ZNF410: variants seen among roughly 807,000 people sequenced by gnomAD.
ZNF410 encodes another partner for ARF 1.
ZNF410 carries 18 observed loss-of-function variants against 54.8 expected under a neutral mutation model. The ratio of observed to expected loss-of-function variants is 0.33; its 90% CI spans 0.23 to 0.49. The LOEUF (loss-of-function observed/expected upper bound fraction) is 0.49, where lower values mean the gene tolerates loss of function less well. Among genes scored for constraint, ZNF410 ranks in the 20% least tolerant of loss-of-function variants. ZNF410 has a pLI of 0.99. For synonymous variants in ZNF410, 191 were observed against 207.3 expected (o/e 0.92, Z 0.68); for missense variants, 405 against 569.6 (o/e 0.71, Z 2.94).
rs534490206 is a variant in ZNF410 at position 73,899,404 on chromosome 14, A to T, written c.580+1142A>T. Among the ~76,000 whole-genome samples the T allele has an allele frequency of 9.2e-5, 14 of 152,080 alleles. No individual in the cohort carries two copies. The South Asian group carries it at 1.9e-3, about 20-fold the overall frequency. On this transcript the variant is annotated intron_variant, in intron 5 of 11. Transcript: ENST00000555044. The stretch of plus-strand genomic sequence containing the variant: ...ATTTTAGGTGTGAGCAACCATCCCC[A>T]GCCAAACTCTAAACTGTTTGTTTTC...
At chr14:73,894,423 CTTT>C (rs759584257) in intron 3 of ZNF410, 631 of 626,860 alleles carry the variant, frequency 1.0e-3, no homozygotes, top group South Asian at 1.8e-3. Flanking sequence ...TACATACTTG[CTTT>C]TTTTTTTTTT....
chr14:73,914,971 G>C (rs1715431861), intron 8 of ZNF410: 1 of 151,046 alleles, frequency 6.6e-6, no homozygotes, highest in African/African-American at 2.4e-5. Flanking sequence ...ATGTTGAATA[G>C]AAGTGGTGAG....
intron 9 of ZNF410, among the ~76,000 whole-genome samples, chr14:73,921,766 T>C (rs189972512): frequency 1.3e-5 from 2 of 152,350 alleles, no homozygotes; most frequent in East Asian, 1.9e-4. Flanking sequence ...TTAATTCTTA[T>C]TCCTTCGCCA....
chr14:73,890,384 C>A (rs1236337467), intron 1 of ZNF410, among the ~76,000 whole-genome samples: 1 of 151,244 alleles, frequency 6.6e-6, no homozygotes, highest in Non-Finnish European at 1.5e-5. Context: ...GACGGGGTTT[C>A]GCCATATTGG....
chr14:73,905,952 C>T (rs2055478484), intron 7 of ZNF410, among the ~76,000 whole-genome samples: 1 of 19,964 alleles, frequency 5.0e-5, no homozygotes, highest in African/African-American at 1.2e-4. Flanking sequence ...TATACACACA[C>T]ACACACACAC....
chr14:73,923,341 T>C (rs761197364), intron 10 of ZNF410, 54 bp from the exon 11 acceptor site: 11 of 1,576,710 alleles, frequency 7.0e-6, no homozygotes, highest in Non-Finnish European at 9.5e-6. Context: ...ATGATCCAGA[T>C]AGGTGTATCT....
intron 8 of ZNF410, chr14:73,913,705 C>T (rs1245780202): frequency 2.0e-5 from 3 of 152,200 alleles, no homozygotes; most frequent in Admixed American, 2.0e-4. Flanking sequence ...ATAAACAATC[C>T]TCCTGTTCTC....
intron 1 of ZNF410, chr14:73,888,230 G>A (rs2055174014): frequency 6.6e-6 from 1 of 152,156 alleles, no homozygotes; most frequent in African/African-American, 2.4e-5. Context: ...AGAAGAACAG[G>A]TTTGGTAAGG....
At chr14:73,907,902 A>G (rs200942218) in intron 7 of ZNF410, among the ~76,000 whole-genome samples, 51,086 of 151,956 alleles carry the variant, frequency 0.34, 9,701 homozygotes, top group Non-Finnish European at 0.42. Flanking sequence ...TTGAAAAAAA[A>G]AAAAAAAAGT....
At chr14:73,917,398 C>T (rs1047070676) in intron 8 of ZNF410, among the ~76,000 whole-genome samples, 1 of 152,170 alleles carries the variant, frequency 6.6e-6, no homozygotes, top group African/African-American at 2.4e-5. Flanking sequence ...CTCCCTCCTT[C>T]TCTTATAGGT....
intron 4 of ZNF410, 81 bp from the exon 5 acceptor site, chr14:73,897,990 A>AAAC: frequency 3.4e-6 from 4 of 1,187,496 alleles, no homozygotes; most frequent in Middle Eastern, 2.8e-4. Flanking sequence ...AAAAAAAAAA[A>AAAC]GGGACATGGA....
At chr14:73,906,753 A>AT (rs2055496568) in intron 7 of ZNF410, among the ~76,000 whole-genome samples, 1 of 152,166 alleles carries the variant, frequency 6.6e-6, no homozygotes, top group Non-Finnish European at 1.5e-5. Flanking sequence ...TGCTGAGATT[A>AT]TATATGTGAA....
At chr14:73,929,519 A>C (rs934718390) in intron 11 of ZNF410, among the ~76,000 whole-genome samples, 1 of 152,164 alleles carries the variant, frequency 6.6e-6, no homozygotes, top group Non-Finnish European at 1.5e-5. Context: ...AAAATAGCTT[A>C]TCAAGAATAT....
At chr14:73,902,637 C>G (rs934362215) in intron 5 of ZNF410, among the ~76,000 whole-genome samples, 5 of 152,076 alleles carry the variant, frequency 3.3e-5, no homozygotes, top group African/African-American at 1.2e-4. Flanking sequence ...TTTGGAGATA[C>G]AAATCTTATT....
chr14:73,904,925 C>T lies in ZNF410; in HGVS notation c.755C>T (p.Pro252Leu). Residue 252 changes from proline (P) to leucine (L), a missense_variant, in exon 7 of 12, where the codon CCT becomes CTT. Physicochemically the swap from Pro to Leu is moderately conservative, Grantham distance 98. This residue lies in a region of ZNF410 where 247 missense variants were observed against 342.8 expected (regional missense o/e 0.72). Transcript: ENST00000555044. ...THRNDRSFIC[P>L]AEGCGKSFYV... ...AGAAATGACCGCTCCTTCATCTGTC[C>T]TGCAGAAGGTTGTGGGAAAAGCTTC... 6.2e-7 allele frequency: 1 copy of T among 1,614,036 alleles called. No homozygotes were observed. The highest frequency in any genetic ancestry group is 8.5e-7 in the Non-Finnish European group (1 of 1,179,976).
intron 8 of ZNF410, among the ~76,000 whole-genome samples, chr14:73,910,753 C>CA (rs755623044): frequency 0.033 from 2,316 of 70,696 alleles, 158 homozygotes; most frequent in African/African-American, 0.12. Context: ...AACTCCGTCT[C>CA]AAAAAAAAAA....
At chr14:73,895,157 A>G (rs1166653448) in intron 3 of ZNF410, 1 of 152,180 alleles carries the variant, frequency 6.6e-6, no homozygotes, top group Non-Finnish European at 1.5e-5. Flanking sequence ...TCTAAAAGAA[A>G]TAGTAATAAA....
intron 4 of ZNF410, among the ~76,000 whole-genome samples, chr14:73,897,712 G>C (rs1008958873): frequency 1.3e-5 from 2 of 151,892 alleles, no homozygotes; most frequent in African/African-American, 4.8e-5. Flanking sequence ...AGTGGCTCAC[G>C]CCTGTAATCC....
chr14:73,895,926 G>C (rs758589759), intron 3 of ZNF410, among the ~76,000 whole-genome samples: 4 of 152,222 alleles, frequency 2.6e-5, no homozygotes, highest in Non-Finnish European at 5.9e-5. Context: ...AAGTTAAGGA[G>C]AGGGAGCTCT....
Sources: gnomAD v4.1 joint callset for allele counts (sites outside exome capture counted in the v4.1 genomes callset) on GRCh38, gnomAD v4.1.1 for gene constraint, gnomAD v4.1.1 regional missense constraint, MANE v1.5 for transcripts, NCBI Gene and HGNC (gene_info 2026-07-23, HGNC 2026-07-21) for gene names.